ANO5: variants seen among roughly 807,000 people sequenced by gnomAD.
The protein encoded by ANO5 is anoctamin-5.
Under a neutral mutation model 121.0 loss-of-function variants are expected in ANO5, and 109 were observed. That is an observed-to-expected ratio of 0.90 (90% CI 0.77 to 1.06). ANO5 has a LOEUF of 1.06. ANO5 is among the 50% of genes least tolerant of loss of function. The probability of loss-of-function intolerance (pLI) is 0.00; values close to 1 mark genes in which losing one functional copy is unlikely to be tolerated. For synonymous variants in ANO5, 406 were observed against 359.9 expected (o/e 1.13, Z -1.45); for missense variants, 1,064 against 1,078.5 (o/e 0.99, Z 0.19).
At chr11:22,234,758 T>G (rs1256113033) in intron 7 of ANO5, among the ~76,000 whole-genome samples, 1 of 152,076 alleles carries the variant, frequency 6.6e-6, no homozygotes, top group Non-Finnish European at 1.5e-5. Context: ...TATTAACAGT[T>G]TCTGGTAACA....
At chr11:22,263,087 G>GAGAT (rs1854249282) in intron 17 of ANO5, 44 bp downstream of exon 17, 1 of 1,487,830 alleles carries the variant, frequency 6.7e-7, no homozygotes, top group East Asian at 2.3e-5. Flanking sequence ...AAGTAACCAT[G>GAGAT]AGATATTTCC....
chr11:22,260,432 T>C (rs904247735), intron 15 of ANO5, among the ~76,000 whole-genome samples: 1 of 152,098 alleles, frequency 6.6e-6, no homozygotes. Context: ...CTGTTGTACA[T>C]AGACATCATG....
intron 17 of ANO5, among the ~76,000 whole-genome samples, chr11:22,269,605 C>A (rs561049274): frequency 6.6e-6 from 1 of 151,092 alleles, no homozygotes; most frequent in African/African-American, 2.4e-5. Flanking sequence ...AAGAGTTTGC[C>A]CTAGGATTTT....
chr11:22,199,547 G>T (rs905984306), intron 1 of ANO5, among the ~76,000 whole-genome samples: 1 of 151,994 alleles, frequency 6.6e-6, no homozygotes, highest in Admixed American at 6.6e-5. Flanking sequence ...TTTTATTAAA[G>T]GACATCTTCT....
chr11:22,232,727 C>T (rs1276533973), intron 7 of ANO5, among the ~76,000 whole-genome samples: 1 of 151,936 alleles, frequency 6.6e-6, no homozygotes, highest in African/African-American at 2.4e-5. Context: ...AGTCAGGTTG[C>T]ACCAATTATT....
intron 9 of ANO5, among the ~76,000 whole-genome samples, chr11:22,241,111 G>A (rs1197910581): frequency 2.0e-5 from 3 of 151,660 alleles, no homozygotes; most frequent in Non-Finnish European, 1.5e-5. Flanking sequence ...GGTTTGGGGT[G>A]CAGATCCTGC....
In ANO5 at chr11:22,255,375, C is replaced by A. The variant is rs1183177119; in HGVS notation, c.1185C>A (p.Thr395=). 6.2e-7 allele frequency: 1 copy of A among 1,607,732 alleles called. No individual in the cohort carries two copies. The highest frequency in any genetic ancestry group is 1.1e-5 in the South Asian group (1 of 90,434). Reference sequence around the variant, plus strand: ...TATATATTTATTTACCTATAGTCACCTTATTTTTGGAGTTTTGGAAACAAC... The same window carrying A: ...TATATATTTATTTACCTATAGTCACATTATTTTTGGAGTTTTGGAAACAAC... ...FFAIFMGIWV[T]LFLEFWKQRQ... is the part of the protein sequence containing the mutation. Residue 395 remains threonine, a synonymous_variant, in exon 13 of 22, where the codon ACC becomes ACA. Coordinates refer to ENST00000324559, the MANE Select transcript of ANO5 (RefSeq NM_213599.3).
intron 9 of ANO5, among the ~76,000 whole-genome samples, chr11:22,246,856 CA>C (rs10565920): frequency 6.8e-3 from 420 of 62,214 alleles, no homozygotes; most frequent in South Asian, 0.014. Flanking sequence ...GACCCTGTTT[CA>C]AAAAAAAAAA....
chr11:22,247,112 C>G (rs1853650856), intron 9 of ANO5, among the ~76,000 whole-genome samples: 1 of 152,090 alleles, frequency 6.6e-6, no homozygotes, highest in African/African-American at 2.4e-5. Flanking sequence ...ATCTTCATGA[C>G]AACCTCTAGG....
chr11:22,259,875 C>G, intron 15 of ANO5, 134 bp downstream of exon 15: 1 of 864,158 alleles, frequency 1.2e-6, no homozygotes, highest in Admixed American at 2.1e-5. Context: ...ATAAATAGAC[C>G]CATATCTGCT....
intron 14 of ANO5, 79 bp downstream of exon 14, chr11:22,257,833 G>T: frequency 8.4e-7 from 1 of 1,195,226 alleles, no homozygotes. Flanking sequence ...TACCTACAAT[G>T]TCTCTTGAGT....
intron 1 of ANO5, among the ~76,000 whole-genome samples, chr11:22,194,875 T>C (rs922738128): frequency 6.6e-6 from 1 of 152,254 alleles, no homozygotes; most frequent in African/African-American, 2.4e-5. Flanking sequence ...TTTGCTTCTA[T>C]GAATAATGCT....
chr11:22,277,328 TATG>T (rs1854897812), intron 21 of ANO5, among the ~76,000 whole-genome samples: 1 of 151,654 alleles, frequency 6.6e-6, no homozygotes, highest in African/African-American at 2.4e-5. Context: ...AGCAGCAACA[TATG>T]ATCTAATTCT....
At chr11:22,199,844 T>C (rs1481325497) in intron 1 of ANO5, among the ~76,000 whole-genome samples, 1 of 152,136 alleles carries the variant, frequency 6.6e-6, no homozygotes. Context: ...TGAATAATTA[T>C]GGATATTCTT....
intron 7 of ANO5, among the ~76,000 whole-genome samples, chr11:22,235,784 A>G (rs1853194140): frequency 2.0e-5 from 3 of 152,188 alleles, no homozygotes; most frequent in Admixed American, 2.0e-4. Context: ...GACAGCTTGG[A>G]TAAATATCAA....
chr11:22,246,520 G>A (rs1300210827), intron 9 of ANO5, among the ~76,000 whole-genome samples: 1 of 151,870 alleles, frequency 6.6e-6, no homozygotes, highest in African/African-American at 2.4e-5. Context: ...TTTTAGTAAA[G>A]GTTTTGTGGG....
chr11:22,249,452 A>C (rs1420786475), intron 9 of ANO5, among the ~76,000 whole-genome samples: 1 of 152,122 alleles, frequency 6.6e-6, no homozygotes, highest in Non-Finnish European at 1.5e-5. Context: ...GTGAGCTGGG[A>C]TCTATATGAA....
chr11:22,194,988 T>C (rs978917595), intron 1 of ANO5, among the ~76,000 whole-genome samples: 3 of 152,228 alleles, frequency 2.0e-5, no homozygotes, highest in African/African-American at 4.8e-5. Flanking sequence ...TAGCTTTATA[T>C]TGAACATTTT....
At chr11:22,232,776 C>T (rs1168917818) in intron 7 of ANO5, among the ~76,000 whole-genome samples, 1 of 151,860 alleles carries the variant, frequency 6.6e-6, no homozygotes, top group Non-Finnish European at 1.5e-5. Context: ...ACCATGCCAC[C>T]TTTTCTTATA....
Sources: gnomAD v4.1 joint callset for allele counts (sites outside exome capture counted in the v4.1 genomes callset) on GRCh38, gnomAD v4.1.1 for gene constraint, MANE v1.5 for transcripts, NCBI Gene and HGNC (gene_info 2026-07-23, HGNC 2026-07-21) for gene names.